The following IMMP2L variants were observed in gnomAD, a reference collection of about 807,000 sequenced individuals.
IMMP2L encodes inner mitochondrial membrane peptidase subunit 2.
In IMMP2L, 18 loss-of-function variants were observed where a neutral mutation model predicts 19.3. The observed-to-expected ratio is 0.93, with a 90% CI of 0.64 to 1.38. The LOEUF (loss-of-function observed/expected upper bound fraction) is 1.38. IMMP2L is among the 40% of genes most tolerant of loss of function. The pLI is 0.00. For missense variants in IMMP2L, 233 were observed against 218.2 expected, an observed-to-expected ratio of 1.07 and a Z score of -0.43; for synonymous variants, 76 against 73.0, an observed-to-expected ratio of 1.04 and a Z score of -0.21.
intron 3 of IMMP2L, among the ~76,000 whole-genome samples, chr7:111,472,820 G>A (rs1306049458): frequency 6.6e-6 from 1 of 152,050 alleles, no homozygotes; most frequent in Non-Finnish European, 1.5e-5. Flanking sequence ...GCTATGCTGA[G>A]TGCAGTGGCT....
intron 3 of IMMP2L, among the ~76,000 whole-genome samples, chr7:111,182,790 G>T (rs2129611336): frequency 6.6e-6 from 1 of 152,008 alleles, no homozygotes; most frequent in South Asian, 2.1e-4. Flanking sequence ...TGTAAGCAGA[G>T]ACACGCAAAA....
Position 111,281,168 on chromosome 7 carries a change from A to G in IMMP2L, c.239+206070T>C, listed in dbSNP as rs1024202245. 6.2e-3 allele frequency among the ~76,000 whole-genome samples: 215 copies of G among 34,956 alleles called. 1 individual carries two copies. Among genetic ancestry groups the G allele is most frequent in the South Asian group, 0.012 (8 of 670 alleles). 22.9% of individuals were successfully genotyped at this position (34,956 alleles called of 152,430 possible). On this transcript the variant is annotated intron_variant, in intron 3 of 5. Coordinates refer to ENST00000405709, the MANE Select transcript of IMMP2L (RefSeq NM_032549.4). ...AAAGACAGAAAGACAGAAAGAAAGA[A>G]AGAAAGAAAGAAAGAAAGAAAGAAA...
At chr7:111,185,802 A>G (rs1388867216) in intron 3 of IMMP2L, among the ~76,000 whole-genome samples, 3 of 152,226 alleles carry the variant, frequency 2.0e-5, no homozygotes, top group Non-Finnish European at 4.4e-5. Flanking sequence ...TGAGAAGTAT[A>G]AACAGATATG....
At chr7:111,211,929 G>A (rs1300889042) in intron 3 of IMMP2L, among the ~76,000 whole-genome samples, 1 of 152,040 alleles carries the variant, frequency 6.6e-6, no homozygotes, top group Admixed American at 6.5e-5. Flanking sequence ...CCCAGGAGGC[G>A]GAGCTTGCAG....
intron 5 of IMMP2L, among the ~76,000 whole-genome samples, chr7:110,811,128 C>T (rs1191046206): frequency 2.0e-5 from 3 of 151,626 alleles, no homozygotes; most frequent in African/African-American, 7.3e-5. Flanking sequence ...GACATGTACT[C>T]GGGTAATGAA....
At chr7:111,088,025 C>T (rs376477829) in intron 3 of IMMP2L, among the ~76,000 whole-genome samples, 19 of 152,248 alleles carry the variant, frequency 1.2e-4, no homozygotes, top group South Asian at 1.0e-3. Context: ...TAACATGATG[C>T]TCAGAGTCTC....
At chr7:111,468,671 A>G (rs960489453) in intron 3 of IMMP2L, among the ~76,000 whole-genome samples, 8 of 152,266 alleles carry the variant, frequency 5.3e-5, no homozygotes, top group African/African-American at 1.9e-4. Context: ...TCTGCTAGCA[A>G]TGTGGAAAAT....
intron 4 of IMMP2L, among the ~76,000 whole-genome samples, chr7:110,918,274 TTTTTG>T (rs1401927689): frequency 6.6e-6 from 1 of 152,090 alleles, no homozygotes; most frequent in Non-Finnish European, 1.5e-5. Context: ...TGAGGAACTT[TTTTTG>T]TTTTAAGTAA....
intron 3 of IMMP2L, among the ~76,000 whole-genome samples, chr7:111,057,197 C>G (rs376699005): frequency 5.3e-5 from 8 of 152,272 alleles, no homozygotes; most frequent in African/African-American, 1.9e-4. Flanking sequence ...GAGCCTGCTT[C>G]CCACATTTGA....
chr7:111,011,612 C>A (rs1824964688), intron 3 of IMMP2L, among the ~76,000 whole-genome samples: 1 of 152,066 alleles, frequency 6.6e-6, no homozygotes, highest in Non-Finnish European at 1.5e-5. Flanking sequence ...ATACCCTTAG[C>A]CAATATGATG....
At chr7:111,507,615 T>A (rs1345899546) in intron 2 of IMMP2L, among the ~76,000 whole-genome samples, 4 of 152,112 alleles carry the variant, frequency 2.6e-5, no homozygotes, top group African/African-American at 9.7e-5. Context: ...TGCCACCCAG[T>A]CCCCAAATCA....
chr7:111,498,049 G>A (rs1349353021), intron 2 of IMMP2L, among the ~76,000 whole-genome samples: 1 of 151,698 alleles, frequency 6.6e-6, no homozygotes, highest in Non-Finnish European at 1.5e-5. Context: ...GTTTTTGAAG[G>A]GGAAAGCATC....
chr7:110,884,632 C>T (rs370451021), intron 5 of IMMP2L, among the ~76,000 whole-genome samples: 7 of 152,094 alleles, frequency 4.6e-5, no homozygotes, highest in African/African-American at 1.7e-4. Flanking sequence ...CCAATCATAT[C>T]TGTGATGAGA....
chr7:111,104,491 A>G (rs562275347), intron 3 of IMMP2L, among the ~76,000 whole-genome samples: 3 of 151,928 alleles, frequency 2.0e-5, no homozygotes, highest in East Asian at 1.9e-4. Context: ...CATCACTTCT[A>G]TTGAAGCTGA....
chr7:111,517,263 A>G lies in IMMP2L; in HGVS notation c.135+4050T>C, dbSNP rs184138084. On this transcript the variant is annotated intron_variant, in intron 2 of 5. Transcript: ENST00000405709. ...ATGTTATTGATGAACAAAGACCTCAATGCTAATTAAACTGCATTTTCCTTC... is the reference window on the plus strand; with the variant it reads ...ATGTTATTGATGAACAAAGACCTCAGTGCTAATTAAACTGCATTTTCCTTC... 5.3e-5 allele frequency among the ~76,000 whole-genome samples: 8 copies of G among 152,202 alleles called. No individual in the cohort carries two copies. In the East Asian group the frequency reaches 1.4e-3, roughly 26 times the overall value.
chr7:111,547,224 A>C (rs1361782417), intron 1 of IMMP2L, among the ~76,000 whole-genome samples: 1 of 152,160 alleles, frequency 6.6e-6, no homozygotes, highest in Non-Finnish European at 1.5e-5. Flanking sequence ...TCAATAAGTG[A>C]ATTTTAAACC....
chr7:111,465,174 A>T (rs1840512338), intron 3 of IMMP2L, among the ~76,000 whole-genome samples: 1 of 152,076 alleles, frequency 6.6e-6, no homozygotes, highest in African/African-American at 2.4e-5. Flanking sequence ...CTCCTGCCAT[A>T]ATGGGCTCTC....
intron 3 of IMMP2L, among the ~76,000 whole-genome samples, chr7:110,970,312 T>C (rs1417933958): frequency 6.6e-6 from 1 of 152,098 alleles, no homozygotes; most frequent in Admixed American, 6.6e-5. Context: ...CACAGAATAG[T>C]GCAATCTTCA....
chr7:111,431,583 G>C (rs1193537826), intron 3 of IMMP2L, among the ~76,000 whole-genome samples: 1 of 151,668 alleles, frequency 6.6e-6, no homozygotes. Flanking sequence ...TATTTGGGTG[G>C]ATAGGTCCAT....
Sources: gnomAD v4.1 joint callset for allele counts (sites outside exome capture counted in the v4.1 genomes callset) on GRCh38, gnomAD v4.1.1 for gene constraint, MANE v1.5 for transcripts, NCBI Gene and HGNC (gene_info 2026-07-23, HGNC 2026-07-21) for gene names.